Variants in NIBAN1 observed in about 807,000 individuals in gnomAD.
NIBAN1 encodes niban apoptosis regulator 1.
NIBAN1 carries 81 observed loss-of-function variants against 75.1 expected under a neutral mutation model. That is an observed-to-expected ratio of 1.08 (90% CI 0.90 to 1.30). The LOEUF (loss-of-function observed/expected upper bound fraction) is 1.30, where lower values mean the gene tolerates loss of function less well. Among genes scored for constraint, NIBAN1 ranks in the 50% most tolerant of loss-of-function variants. NIBAN1 has a pLI of 0.00. For missense variants in NIBAN1, 1,133 were observed against 1,128.1 expected, an observed-to-expected ratio of 1.00 and a Z score of -0.06; for synonymous variants, 436 against 424.8, an observed-to-expected ratio of 1.03 and a Z score of -0.32.
At chr1:184,814,656 G>A (rs948765829) in intron 9 of NIBAN1, among the ~76,000 whole-genome samples, 5 of 152,062 alleles carry the variant, frequency 3.3e-5, no homozygotes, top group Admixed American at 2.6e-4. Context: ...ATTCTATTTT[G>A]TAATATCCAA....
chr1:184,821,713 T>C (rs930798398), intron 8 of NIBAN1, among the ~76,000 whole-genome samples: 1 of 152,142 alleles, frequency 6.6e-6, no homozygotes, highest in African/African-American at 2.4e-5. Flanking sequence ...TGAGCACTGG[T>C]AGTTTTAAGT....
At chr1:184,840,603 C>A (rs1215428749) in intron 5 of NIBAN1, among the ~76,000 whole-genome samples, 1 of 151,864 alleles carries the variant, frequency 6.6e-6, no homozygotes, top group Non-Finnish European at 1.5e-5. Context: ...CTCTTGAATT[C>A]TTGACTTGTC....
intron 5 of NIBAN1, among the ~76,000 whole-genome samples, chr1:184,869,685 T>C (rs77287814): frequency 6.6e-6 from 1 of 151,982 alleles, no homozygotes; most frequent in East Asian, 1.9e-4. Flanking sequence ...GGGATTACAG[T>C]TGTGCGCCAC....
chr1:184,917,496 A>C (rs547127752), intron 1 of NIBAN1, among the ~76,000 whole-genome samples: 3 of 147,090 alleles, frequency 2.0e-5, no homozygotes, highest in Non-Finnish European at 4.5e-5. Flanking sequence ...GGCGTGAGCC[A>C]CCCTGCCCGG....
chr1:184,891,757 T>C (rs963932742), intron 3 of NIBAN1, among the ~76,000 whole-genome samples: 4 of 152,208 alleles, frequency 2.6e-5, no homozygotes, highest in Non-Finnish European at 5.9e-5. Flanking sequence ...AATTGGACTC[T>C]AAATAAAATA....
chr1:184,897,611 G>A (rs1182241224), intron 2 of NIBAN1, among the ~76,000 whole-genome samples: 1 of 152,042 alleles, frequency 6.6e-6, no homozygotes, highest in African/African-American at 2.4e-5. Context: ...CAATCACTCT[G>A]CTGAGCTCCA....
At chr1:184,931,003 T>C (rs1470403832) in intron 1 of NIBAN1, among the ~76,000 whole-genome samples, 35 of 142,188 alleles carry the variant, frequency 2.5e-4, no homozygotes, top group South Asian at 1.8e-3. Context: ...TCTTCTTTTT[T>C]TTTTTTTTTT....
chr1:184,834,763 C>A (rs1370204758), intron 5 of NIBAN1, among the ~76,000 whole-genome samples: 1 of 152,162 alleles, frequency 6.6e-6, no homozygotes, highest in Non-Finnish European at 1.5e-5. Flanking sequence ...AGCCCTTTGC[C>A]AGATGGGTAG....
At chr1:184,939,623 A>C (rs1658041544) in intron 1 of NIBAN1, among the ~76,000 whole-genome samples, 1 of 152,200 alleles carries the variant, frequency 6.6e-6, no homozygotes, top group South Asian at 2.1e-4. Flanking sequence ...GCCTGGTTTT[A>C]AGTCTCTGCT....
chr1:184,805,731 A>G (rs1433050803), intron 11 of NIBAN1, among the ~76,000 whole-genome samples: 1 of 152,184 alleles, frequency 6.6e-6, no homozygotes, highest in Non-Finnish European at 1.5e-5. Flanking sequence ...GCTGTGGGTA[A>G]TGATGCTGAG....
chr1:184,914,243 C>T (rs1657323341), intron 1 of NIBAN1, among the ~76,000 whole-genome samples: 2 of 152,192 alleles, frequency 1.3e-5, no homozygotes, highest in Admixed American at 6.5e-5. Flanking sequence ...CACTTTTTCT[C>T]TAGAAAACAT....
intron 1 of NIBAN1, among the ~76,000 whole-genome samples, chr1:184,957,403 A>G (rs912862370): frequency 1.3e-5 from 2 of 152,270 alleles, no homozygotes; most frequent in Non-Finnish European, 2.9e-5. Flanking sequence ...GCTGTTGAAA[A>G]GAACCTAATT....
At chr1:184,831,260 T>G (rs1654991877) in intron 6 of NIBAN1, among the ~76,000 whole-genome samples, 1 of 152,162 alleles carries the variant, frequency 6.6e-6, no homozygotes, top group Non-Finnish European at 1.5e-5. Context: ...AAAAGATAAA[T>G]TAAATATATA....
Position 184,795,384 on chromosome 1 carries a change from G to A in NIBAN1, c.2380C>T (p.Pro794Ser), listed in dbSNP as rs1334505226. 3.1e-6 allele frequency: 5 copies of A among 1,605,906 alleles called. No homozygotes were observed. The South Asian group carries it at 5.6e-5, about 18-fold the overall frequency. ...CCTCCACTGGCTGGCGGAGAGGCTGGGCTGCCTACCTCTGGAAATCCCCCC... is the reference window on the plus strand; with the variant it reads ...CCTCCACTGGCTGGCGGAGAGGCTGAGCTGCCTACCTCTGGAAATCCCCCC... ...ELGGFPEVGS[P>S]ASPPASGGLT... The change falls in exon 14 of 14, where the codon CCA (proline) becomes TCA (serine). Residue 794 changes from proline (P) to serine (S), a missense_variant. Physicochemically the swap from Pro to Ser is moderately conservative, Grantham distance 74. Coordinates refer to ENST00000367511, the MANE Select transcript of NIBAN1 (RefSeq NM_052966.4).
intron 1 of NIBAN1, among the ~76,000 whole-genome samples, chr1:184,918,614 A>C (rs1045786655): frequency 6.6e-6 from 1 of 152,174 alleles, no homozygotes. Flanking sequence ...TCATCTGCAA[A>C]GTCAAATTGC....
In NIBAN1 at chr1:184,796,026, C is replaced by A. The variant is rs767592982; in HGVS notation, c.1738G>T (p.Val580Leu). 7 of 1,609,998 alleles carry A rather than the reference C, an allele frequency of 4.3e-6. No individual in the cohort carries two copies. In the South Asian group the frequency reaches 5.5e-5, roughly 13 times the overall value. ...EDNMALPSES[V>L]SSLTDLKPPT... ...GGCTTTAGATCTGTTAAGCTGGACA[C>A]ACTTTCACTGGGCAAGGCCATGTTA... The change falls in exon 14 of 14, where the codon GTG becomes TTG. Residue 580 changes from valine to leucine, a missense_variant. By Grantham distance (32) the Val-to-Leu change is conservative. Coordinates refer to ENST00000367511, the MANE Select transcript of NIBAN1 (RefSeq NM_052966.4).
chr1:184,952,192 G>C (rs1158155020), intron 1 of NIBAN1, among the ~76,000 whole-genome samples: 1 of 152,212 alleles, frequency 6.6e-6, no homozygotes, highest in African/African-American at 2.4e-5. Context: ...TTGAGTCCAA[G>C]AGTTTAAGAT....
At position 184,871,358 on chromosome 1, in the gene NIBAN1, A is replaced by AG. The variant is rs2102288286; in HGVS notation, c.601+13274_601+13275insC. Among the ~76,000 whole-genome samples, 4 of 145,614 alleles carry AG rather than the reference A, an allele frequency of 2.7e-5. No individual in the cohort carries two copies. In the South Asian group the frequency reaches 9.1e-4, roughly 33 times the overall value. On this transcript the variant is annotated intron_variant, in intron 5 of 13. Coordinates refer to ENST00000367511, the MANE Select transcript of NIBAN1 (RefSeq NM_052966.4). ...TCAAAACTCTATCTCAAAAAAAAAA[A>AG]AAAAAAAAAAAAAAAGAGGAAAATG...
intron 5 of NIBAN1, among the ~76,000 whole-genome samples, chr1:184,853,684 C>T (rs1381329995): frequency 8.5e-5 from 13 of 152,200 alleles, no homozygotes; most frequent in Non-Finnish European, 1.9e-4. Context: ...GAATCTTCTC[C>T]CACCCTCAAC....
Sources: allele counts gnomAD v4.1 joint callset (sites outside exome capture counted in the v4.1 genomes callset), GRCh38; gene constraint gnomAD v4.1.1; transcripts MANE v1.5; gene names NCBI Gene and HGNC (gene_info 2026-07-23, HGNC 2026-07-21).